WDR73: variants seen among roughly 807,000 people sequenced by gnomAD.
The protein encoded by WDR73 is integrator complex assembly factor WDR73.
A neutral mutation model predicts 38.2 loss-of-function variants in WDR73; 30 were observed. That is an observed-to-expected ratio of 0.79 (90% confidence interval 0.59 to 1.06). The LOEUF is 1.06. Ranked by LOEUF, WDR73 falls within the 50% of genes least tolerant of loss-of-function variation. The probability of loss-of-function intolerance (pLI) is 0.00; values close to 1 mark genes in which losing one functional copy is unlikely to be tolerated. For missense variants in WDR73, 487 were observed against 467.0 expected (o/e 1.04, Z -0.40); for synonymous variants, 197 against 176.0 (o/e 1.12, Z -0.94).
chr15:84,651,693 T>C (rs952802294), intron 3 of WDR73, among the ~76,000 whole-genome samples: 1 of 152,164 alleles, frequency 6.6e-6, no homozygotes, highest in Non-Finnish European at 1.5e-5. Flanking sequence ...AAACCTTCCC[T>C]CAGATCTGTG....
chr15:84,643,792 T>C (rs1896352027), intron 7 of WDR73, 69 bp from the exon 8 acceptor site: 9 of 1,455,222 alleles, frequency 6.2e-6, no homozygotes. Flanking sequence ...TTTCTTTCTA[T>C]TTTTAATAGA....
chr15:84,650,456 G>A (rs1399699333), intron 3 of WDR73, among the ~76,000 whole-genome samples: 1 of 152,024 alleles, frequency 6.6e-6, no homozygotes, highest in African/African-American at 2.4e-5. Flanking sequence ...CACCTCCCAG[G>A]TTCAAGCAAT....
At chr15:84,653,775 G>T in intron 1 of WDR73, 76 bp from the exon 2 acceptor site, 2 of 1,198,490 alleles carry the variant, frequency 1.7e-6, no homozygotes, top group South Asian at 1.3e-5. Context: ...GCAGCCGCAT[G>T]GTTCAGTGGC....
chr15:84,643,502 A>T lies in WDR73; in HGVS notation c.1105T>A (p.Trp369Arg), dbSNP rs1489147973. 6.4e-7 allele frequency: 1 copy of T among 1,569,796 alleles called. No homozygotes were observed. Among genetic ancestry groups the T allele is most frequent in the Non-Finnish European group, 8.6e-7 (1 of 1,156,708 alleles). Reference protein sequence around the residue: ...SATNDASLHVWDWVDLCAPR With the variant: ...SATNDASLHVRDWVDLCAPR ...GGGGCACAAAGGTCCACCCAGTCCC[A>T]CACATGCAGAGAGGCATCATTTGTT... The change falls in exon 8 of 8, where the codon TGG (tryptophan) becomes AGG (arginine). Residue 369 changes from tryptophan (W) to arginine (R), a missense_variant. Coordinates refer to ENST00000434634, the MANE Select transcript of WDR73 (RefSeq NM_032856.5).
intron 2 of WDR73, 145 bp from the exon 3 acceptor site, chr15:84,652,947 C>G: frequency 1.8e-6 from 1 of 542,210 alleles, no homozygotes; most frequent in South Asian, 2.7e-5. Flanking sequence ...CAGACAAGGT[C>G]TCGCTGTGTC....
At chr15:84,650,854 T>C (rs950116230) in intron 3 of WDR73, among the ~76,000 whole-genome samples, 2 of 152,042 alleles carry the variant, frequency 1.3e-5, no homozygotes, top group Admixed American at 6.6e-5. Flanking sequence ...AAAGGCCAAG[T>C]GCGGTGGTTC....
chr15:84,645,784 G>C lies in WDR73; in HGVS notation c.570C>G (p.Thr190=). The change falls in exon 7 of 8, where the codon ACC becomes ACG. Residue 190 remains threonine (T), a synonymous_variant. Transcript: ENST00000434634. ...LSSLQVLDAD[T]FAFCCASGRL... is the part of the protein sequence containing the mutation. Reference sequence around the variant, plus strand: ...GGCCTGAAGCACAGCAGAAGGCAAAGGTGTCTGCATCTAGGACCTGCAGGC... The same window carrying C: ...GGCCTGAAGCACAGCAGAAGGCAAACGTGTCTGCATCTAGGACCTGCAGGC... 1.2e-6 allele frequency: 2 copies of C among 1,613,622 alleles called. No individual in the cohort carries two copies. The highest frequency in any genetic ancestry group is 1.7e-6 in the Non-Finnish European group (2 of 1,179,726).
chr15:84,648,205 C>G (rs1201163319), intron 4 of WDR73: 1 of 593,230 alleles, frequency 1.7e-6, no homozygotes. Context: ...CCAAACACAA[C>G]CTGACCCAGA....
At chr15:84,646,134 G>T (rs758183656) in intron 6 of WDR73, 50 bp downstream of exon 6, 4 of 1,611,434 alleles carry the variant, frequency 2.5e-6, no homozygotes, top group Non-Finnish European at 2.5e-6. Context: ...AGTTGGGCTG[G>T]GGGGTGATGC....
At chr15:84,654,154 A>G (rs1324692948) in intron 1 of WDR73, 80 bp downstream of exon 1, 1 of 1,588,762 alleles carries the variant, frequency 6.3e-7, no homozygotes, top group African/African-American at 1.3e-5. Context: ...CAGGATCCCC[A>G]ACGTGCCTCC....
At position 84,643,376 on chromosome 15, in the gene WDR73, CAG is replaced by C; in HGVS notation, c.*92_*93del. The stretch of plus-strand genomic sequence containing the variant: ...TTGCCCAAGGCCACACAGCTGGTAA[CAG>C]GGACTGGTAGTCACTTGAGTCCTAC... On this transcript the variant is annotated 3_prime_UTR_variant, in exon 8 of 8. Coordinates refer to ENST00000434634, the MANE Select transcript of WDR73 (RefSeq NM_032856.5). 6.2e-6 allele frequency: 9 copies of C among 1,452,206 alleles called. No individual in the cohort carries two copies. The highest frequency in any genetic ancestry group is 1.4e-5 in the South Asian group (1 of 72,020). 90.0% of individuals were successfully genotyped at this position (1,452,206 alleles called of 1,614,324 possible).
Position 84,643,455 on chromosome 15 carries a change from G to A in WDR73, c.*15C>T, listed in dbSNP as rs372816905. The stretch of plus-strand genomic sequence containing the variant: ...TCCTCCCCTTTCTAGAGGCCTAGAT[G>A]GAAAGATGCTGGTGTCAGCGGGGGG... On this transcript the variant is annotated 3_prime_UTR_variant, in exon 8 of 8. Coordinates refer to ENST00000434634, the MANE Select transcript of WDR73 (RefSeq NM_032856.5). 211 of 1,550,722 alleles carry A rather than the reference G, an allele frequency of 1.4e-4. 1 individual carries two copies. Among genetic ancestry groups the A allele is most frequent in the Admixed American group, 1.4e-4 (7 of 51,002 alleles).
intron 2 of WDR73, chr15:84,653,390 G>A (rs1418291672): frequency 1.7e-5 from 7 of 403,014 alleles, no homozygotes. Context: ...GACTGGTCTC[G>A]AACTCCTGAC....
At chr15:84,646,386 A>G (rs781245414) in intron 5 of WDR73, 38 bp from the exon 6 acceptor site, 61 of 1,584,450 alleles carry the variant, frequency 3.8e-5, no homozygotes, top group Non-Finnish European at 5.1e-5. Flanking sequence ...CAGAACTTTA[A>G]TGAAGGTTTG....
intron 5 of WDR73, 86 bp from the exon 6 acceptor site, chr15:84,646,434 T>G: frequency 2.6e-6 from 4 of 1,511,878 alleles, no homozygotes; most frequent in Non-Finnish European, 2.6e-6. Context: ...CCCTGTACAT[T>G]TAGAAGATCA....
intron 3 of WDR73, 91 bp downstream of exon 3, chr15:84,652,623 C>G (rs1469935292): frequency 7.9e-6 from 6 of 757,628 alleles, no homozygotes; most frequent in Non-Finnish European, 2.1e-6. Context: ...TTTCTAGTAT[C>G]CAGGACAATA....
At position 84,640,641 on chromosome 15, in the gene WDR73, A is replaced by G. The variant is rs1052831289; in HGVS notation, c.*2829T>C. On this transcript the variant is annotated 3_prime_UTR_variant, in exon 8 of 8. Coordinates refer to ENST00000434634, the MANE Select transcript of WDR73 (RefSeq NM_032856.5). ...AGCCCAGGAGTTGGAGGCCGCAGTG[A>G]GCTGTGATCATGCCACTGCATTCCA... 4 of 152,254 alleles carry G rather than the reference A, an allele frequency of 2.6e-5. No individual in the cohort carries two copies. Among genetic ancestry groups the G allele is most frequent in the Admixed American group, 6.5e-5 (1 of 15,282 alleles). 9.4% of individuals were successfully genotyped at this position (152,254 alleles called of 1,614,324 possible). A position where few individuals can be genotyped will look rare whatever the true frequency, so the allele number is the denominator to read the frequency against.
At chr15:84,649,769 C>T (rs960219619) in intron 3 of WDR73, among the ~76,000 whole-genome samples, 4 of 152,008 alleles carry the variant, frequency 2.6e-5, no homozygotes, top group Non-Finnish European at 2.9e-5. Context: ...CACACCTGGT[C>T]TTTTTTAACT....
At chr15:84,653,145 A>G (rs973586743) in intron 2 of WDR73, 1 of 211,598 alleles carries the variant, frequency 4.7e-6, no homozygotes, top group Non-Finnish European at 9.4e-6. Flanking sequence ...AATTCCTGGG[A>G]TCAAGCAATC....
Sources: allele counts gnomAD v4.1 joint callset (sites outside exome capture counted in the v4.1 genomes callset), GRCh38; gene constraint gnomAD v4.1.1; transcripts MANE v1.5; gene names NCBI Gene and HGNC (gene_info 2026-07-23, HGNC 2026-07-21).